The following KIAA1549L variants were observed in gnomAD, a reference collection of about 807,000 sequenced individuals.
KIAA1549L encodes UPF0606 protein KIAA1549L.
In KIAA1549L, 88 loss-of-function variants were observed where a neutral mutation model predicts 160.7. That is an observed-to-expected ratio of 0.55 (90% confidence interval 0.46 to 0.65). The LOEUF is 0.65. KIAA1549L is among the 30% of genes least tolerant of loss of function. The probability of loss-of-function intolerance (pLI) is 0.00; values close to 1 mark genes in which losing one functional copy is unlikely to be tolerated. For synonymous variants in KIAA1549L, 950 were observed against 976.7 expected (o/e 0.97, Z 0.51); for missense variants, 2,258 against 2,437.5 (o/e 0.93, Z 1.55).
rs776309403 is a variant in KIAA1549L at position 33,545,015 on chromosome 11, C to T, written c.3022C>T (p.Pro1008Ser). 8 of 1,613,904 alleles carry T rather than the reference C, an allele frequency of 5.0e-6. No homozygotes were observed. Among genetic ancestry groups the T allele is most frequent in the African/African-American group, 2.7e-5 (2 of 74,934 alleles). The change falls in exon 3 of 21, where the codon CCA becomes TCA. Residue 1008 changes from proline (P) to serine (S), a missense_variant. Physicochemically the swap from Pro to Ser is moderately conservative, Grantham distance 74. Transcript: ENST00000658780. ...GAVHTAFPFTPTYMYARTGHT... is the reference protein window; with the variant it reads ...GAVHTAFPFTSTYMYARTGHT... ...AGTCCATACAGCCTTCCCATTCACACCAACCTACATGTATGCAAGAACAGG... is the reference window on the plus strand; with the variant it reads ...AGTCCATACAGCCTTCCCATTCACATCAACCTACATGTATGCAAGAACAGG...
Position 33,598,843 on chromosome 11 carries a change from C to T in KIAA1549L, c.4775C>T (p.Ser1592Phe), listed in dbSNP as rs749640837. The stretch of plus-strand genomic sequence containing the variant: ...AGCAGGTCGCCCAGTGAGAATGGCT[C>T]TGTCATCAGCAACGAATCAGGGAAG... ...RKSRSPSENG[S>F]VISNESGKPS... The change falls in exon 13 of 21, where the codon TCT (serine) becomes TTT (phenylalanine). Residue 1592 changes from serine (S) to phenylalanine (F), a missense_variant. Ser to Phe is a radical substitution (Grantham distance 155). Around this residue, in one of 6 missense-constraint regions of KIAA1549L, gnomAD observed 1,359 missense variants for 1,546.6 expected, o/e 0.88. Transcript: ENST00000658780. 1 of 1,613,966 alleles carries T rather than the reference C, an allele frequency of 6.2e-7. No homozygotes were observed. Among genetic ancestry groups the T allele is most frequent in the Non-Finnish European group, 8.5e-7 (1 of 1,179,852 alleles).
At chr11:33,452,469 G>T (rs927065408) in intron 1 of KIAA1549L, among the ~76,000 whole-genome samples, 1 of 152,136 alleles carries the variant, frequency 6.6e-6, no homozygotes, top group African/African-American at 2.4e-5. Context: ...TTAGCCAGGC[G>T]TAGTGGCGGG....
chr11:33,567,670 T>C (rs757012191), intron 8 of KIAA1549L, among the ~76,000 whole-genome samples: 7 of 152,216 alleles, frequency 4.6e-5, no homozygotes, highest in South Asian at 2.1e-4. Flanking sequence ...CCGTTAGCCA[T>C]ACCTACAGCT....
intron 1 of KIAA1549L, among the ~76,000 whole-genome samples, chr11:33,431,133 C>T (rs1249514697): frequency 6.6e-6 from 1 of 151,694 alleles, no homozygotes; most frequent in African/African-American, 2.4e-5. Flanking sequence ...CTGGTGGGCT[C>T]GTGGGCTCGC....
intron 1 of KIAA1549L, among the ~76,000 whole-genome samples, chr11:33,482,770 A>C (rs978936353): frequency 2.0e-5 from 3 of 151,830 alleles, no homozygotes; most frequent in African/African-American, 7.3e-5. Flanking sequence ...GGGTTTCATC[A>C]TGTTGGCCAG....
At chr11:33,399,006 T>G (rs1028057138) in intron 1 of KIAA1549L, among the ~76,000 whole-genome samples, 2 of 151,214 alleles carry the variant, frequency 1.3e-5, no homozygotes, top group Admixed American at 1.3e-4. Flanking sequence ...AGGCTGGAGT[T>G]CAGTGGCACA....
At position 33,543,436 on chromosome 11, in the gene KIAA1549L, C is replaced by T. The variant is rs200017530; in HGVS notation, c.1873C>T (p.Pro625Ser). The T allele has an allele frequency of 1.2e-4, 187 of 1,614,042 alleles. No individual in the cohort carries two copies. In the African/African-American group the frequency reaches 1.9e-3, roughly 17 times the overall value. ...PRTNPLPSGP[P>S]LPSILSIQAT... ...GACGAATCCCCTTCCTTCAGGACCA[C>T]CTCTACCTTCCATACTCTCCATACA... Residue 625 changes from proline to serine, a missense_variant, in exon 2 of 21, where the codon CCT becomes TCT. Coordinates refer to ENST00000658780, the MANE Select transcript of KIAA1549L (RefSeq NM_012194.3).
chr11:33,491,132 T>C (rs539456296), intron 1 of KIAA1549L, among the ~76,000 whole-genome samples: 1 of 152,368 alleles, frequency 6.6e-6, no homozygotes, highest in East Asian at 1.9e-4. Context: ...GCTTAGTGCC[T>C]GATTCATAAG....
chr11:33,607,966 C>G lies in KIAA1549L; in HGVS notation c.5061+1144C>G, dbSNP rs539882754. 3.3e-5 allele frequency among the ~76,000 whole-genome samples: 5 copies of G among 152,300 alleles called. No homozygotes were observed. The East Asian group carries it at 9.7e-4, about 29-fold the overall frequency. On this transcript the variant is annotated intron_variant, in intron 14 of 20. Transcript: ENST00000658780. ...ACCAAGAAGCTGAAGCTTGAGGGGT[C>G]CAGTGGCTTGTTCAAAGTCACACGG... is the stretch of plus-strand genomic sequence containing the variant.
At chr11:33,632,055 C>A (rs1341811464) in intron 16 of KIAA1549L, among the ~76,000 whole-genome samples, 1 of 152,180 alleles carries the variant, frequency 6.6e-6, no homozygotes, top group East Asian at 1.9e-4. Flanking sequence ...ATTTGGAGTT[C>A]ACTGTGAATG....
chr11:33,566,924 G>A (rs913255382), intron 8 of KIAA1549L, among the ~76,000 whole-genome samples: 8 of 152,142 alleles, frequency 5.3e-5, no homozygotes, highest in Admixed American at 1.3e-4. Flanking sequence ...AATGAGATTT[G>A]TTTTTCACAT....
intron 8 of KIAA1549L, among the ~76,000 whole-genome samples, chr11:33,567,221 G>T (rs1238425877): frequency 3.9e-5 from 6 of 152,218 alleles, no homozygotes; most frequent in Non-Finnish European, 8.8e-5. Context: ...GGCAAGAAGG[G>T]TGTTCCCTTT....
At chr11:33,447,660 T>G (rs565203412) in intron 1 of KIAA1549L, among the ~76,000 whole-genome samples, 6 of 142,848 alleles carry the variant, frequency 4.2e-5, no homozygotes, top group Admixed American at 2.9e-4. Context: ...ATTTTAGCAT[T>G]CTTTGCATTA....
intron 6 of KIAA1549L, among the ~76,000 whole-genome samples, chr11:33,553,957 A>G (rs1266827810): frequency 6.6e-6 from 1 of 152,228 alleles, no homozygotes; most frequent in Non-Finnish European, 1.5e-5. Flanking sequence ...GATTACATCT[A>G]AATAGATTTT....
chr11:33,485,367 A>G (rs879617520), intron 1 of KIAA1549L, among the ~76,000 whole-genome samples: 1 of 152,234 alleles, frequency 6.6e-6, no homozygotes, highest in Non-Finnish European at 1.5e-5. Flanking sequence ...ATCTTTTGAC[A>G]TTCCAAAAGA....
At chr11:33,445,639 G>A (rs940159239) in intron 1 of KIAA1549L, among the ~76,000 whole-genome samples, 4 of 152,276 alleles carry the variant, frequency 2.6e-5, no homozygotes, top group African/African-American at 9.6e-5. Flanking sequence ...TCAAATTCTT[G>A]GGTCCAAAGT....
intron 1 of KIAA1549L, among the ~76,000 whole-genome samples, chr11:33,445,234 G>A (rs914273276): frequency 2.0e-5 from 3 of 152,188 alleles, no homozygotes; most frequent in African/African-American, 7.2e-5. Context: ...AACCTCTGTT[G>A]TGGGGGTGGC....
chr11:33,580,061 A>T (rs1168120818), intron 10 of KIAA1549L, among the ~76,000 whole-genome samples: 1 of 152,174 alleles, frequency 6.6e-6, no homozygotes, highest in African/African-American at 2.4e-5. Flanking sequence ...AGACTGGAGC[A>T]TGCAGTGCCC....
intron 16 of KIAA1549L, among the ~76,000 whole-genome samples, chr11:33,643,308 A>G (rs1404572264): frequency 6.6e-6 from 1 of 152,094 alleles, no homozygotes; most frequent in Non-Finnish European, 1.5e-5. Flanking sequence ...GCACTCCCCT[A>G]CCAACCTTAC....
Sources: gnomAD v4.1 joint callset for allele counts (sites outside exome capture counted in the v4.1 genomes callset) on GRCh38, gnomAD v4.1.1 for gene constraint, gnomAD v4.1.1 regional missense constraint, MANE v1.5 for transcripts, NCBI Gene and HGNC (gene_info 2026-07-23, HGNC 2026-07-21) for gene names.